CLDN10: variants seen among roughly 807,000 people sequenced by gnomAD.
CLDN10 encodes claudin-10.
CLDN10 carries 15 observed loss-of-function variants against 22.9 expected under a neutral mutation model. That is an observed-to-expected ratio of 0.65 (90% CI 0.44 to 1.01). The LOEUF is 1.01. Among genes scored for constraint, CLDN10 ranks in the 50% least tolerant of loss-of-function variants. CLDN10 has a pLI of 0.00. For missense variants in CLDN10, 247 were observed against 287.8 expected (o/e 0.86, Z 1.03); for synonymous variants, 114 against 111.4 (o/e 1.02, Z -0.15).
At chr13:95,457,515 C>T (rs2042493909) in intron 1 of CLDN10, among the ~76,000 whole-genome samples, 1 of 151,964 alleles carries the variant, frequency 6.6e-6, no homozygotes, top group African/African-American at 2.4e-5. Flanking sequence ...CTTGGTGAAT[C>T]ACATACTGAT....
At chr13:95,527,478 C>T (rs1275936052) in intron 1 of CLDN10, among the ~76,000 whole-genome samples, 3 of 152,198 alleles carry the variant, frequency 2.0e-5, no homozygotes, top group South Asian at 4.1e-4. Flanking sequence ...GCCTGTAATC[C>T]CAGCACTTTG....
intron 1 of CLDN10, among the ~76,000 whole-genome samples, chr13:95,495,951 C>T (rs918398375): frequency 1.3e-5 from 2 of 152,154 alleles, no homozygotes; most frequent in African/African-American, 4.8e-5. Context: ...AAAATCAGCT[C>T]CTCCAGCCAG....
chr13:95,570,095 A>G (rs2043835769), intron 3 of CLDN10, among the ~76,000 whole-genome samples: 1 of 152,126 alleles, frequency 6.6e-6, no homozygotes, highest in Non-Finnish European at 1.5e-5. Context: ...CCACATCCAC[A>G]CACGGATTCT....
chr13:95,433,865 C>T (rs1377754819), exon 1 of CLDN10: 5 of 1,614,162 alleles, frequency 3.1e-6, no homozygotes, highest in Non-Finnish European at 3.4e-6. Flanking sequence ...GCTCTGGTGT[C>T]TGGTGTCGGA....
intron 1 of CLDN10, among the ~76,000 whole-genome samples, chr13:95,515,912 A>G (rs947276273): frequency 1.3e-5 from 2 of 152,034 alleles, no homozygotes; most frequent in African/African-American, 2.4e-5. Flanking sequence ...CATCTCTACT[A>G]AAAATACAAA....
At chr13:95,474,466 G>A (rs2042665899) in intron 1 of CLDN10, among the ~76,000 whole-genome samples, 1 of 151,992 alleles carries the variant, frequency 6.6e-6, no homozygotes, top group Non-Finnish European at 1.5e-5. Flanking sequence ...CCATGGCCCA[G>A]GGGTTGGGGA....
intron 1 of CLDN10, among the ~76,000 whole-genome samples, chr13:95,440,534 A>T (rs1291082552): frequency 1.3e-5 from 2 of 152,136 alleles, no homozygotes; most frequent in Non-Finnish European, 2.9e-5. Flanking sequence ...AAAATAGCCA[A>T]GCATGGCAGC....
chr13:95,553,856 C>T (rs958267112), intron 1 of CLDN10, among the ~76,000 whole-genome samples: 2 of 152,212 alleles, frequency 1.3e-5, no homozygotes, highest in South Asian at 2.1e-4. Flanking sequence ...CAGCCGATGT[C>T]AGCCCGGTCC....
rs912491838 is a variant in CLDN10 at position 95,578,810 on chromosome 13, T to G, written c.*796T>G. On this transcript the variant is annotated 3_prime_UTR_variant, in exon 5 of 5. Coordinates refer to ENST00000299339, the MANE Select transcript of CLDN10 (RefSeq NM_006984.5). Reference sequence around the variant, plus strand: ...ACTCATGTACATATTTAGCAAATTTTGGTTTCTTACATGTGCCTGTCATGA... The same window carrying G: ...ACTCATGTACATATTTAGCAAATTTGGGTTTCTTACATGTGCCTGTCATGA... The G allele has an allele frequency of 1.3e-5, 2 of 152,218 alleles. No homozygotes were observed. The highest frequency in any genetic ancestry group is 6.5e-5 in the Admixed American group (1 of 15,282). 9.4% of individuals were successfully genotyped at this position (152,218 alleles called of 1,614,324 possible). A position where few individuals can be genotyped will look rare whatever the true frequency, so the allele number is the denominator to read the frequency against.
chr13:95,476,700 G>C (rs1454012918), intron 1 of CLDN10, among the ~76,000 whole-genome samples: 1 of 152,042 alleles, frequency 6.6e-6, no homozygotes, highest in African/African-American at 2.4e-5. Flanking sequence ...GAGATGGAGA[G>C]AGAAAGGAGG....
intron 1 of CLDN10, among the ~76,000 whole-genome samples, chr13:95,483,644 C>T (rs140295524): frequency 1.3e-3 from 205 of 152,308 alleles, no homozygotes; most frequent in African/African-American, 4.6e-3. Context: ...AGAGCAGTGA[C>T]GTTGAGCTAC....
intron 3 of CLDN10, among the ~76,000 whole-genome samples, chr13:95,571,763 T>G (rs1310927920): frequency 2.6e-5 from 4 of 152,216 alleles, no homozygotes; most frequent in Non-Finnish European, 4.4e-5. Context: ...AGTTTTATGT[T>G]AGACCAATAG....
intron 1 of CLDN10, among the ~76,000 whole-genome samples, chr13:95,435,543 A>G (rs2042260284): frequency 1.3e-5 from 2 of 152,182 alleles, no homozygotes; most frequent in African/African-American, 4.8e-5. Context: ...GACTTTCCTA[A>G]GTACCCATTT....
chr13:95,552,660 A>G, upstream of CLDN10: 2 of 1,388,346 alleles, frequency 1.4e-6, no homozygotes, highest in Non-Finnish European at 9.4e-7. Context: ...CGGTGGGCGG[A>G]GGCGGAGGCG....
intron 3 of CLDN10, among the ~76,000 whole-genome samples, chr13:95,570,343 C>T (rs2043838534): frequency 6.6e-6 from 1 of 152,180 alleles, no homozygotes; most frequent in African/African-American, 2.4e-5. Flanking sequence ...AGATCAATGG[C>T]ATGGATGGTG....
intron 1 of CLDN10, among the ~76,000 whole-genome samples, chr13:95,437,677 G>A (rs545573928): frequency 9.2e-5 from 14 of 152,254 alleles, no homozygotes; most frequent in African/African-American, 1.7e-4. Context: ...CAGATGGTTC[G>A]CGATGAGGGC....
chr13:95,574,381 T>C (rs2043898414), intron 3 of CLDN10, among the ~76,000 whole-genome samples: 1 of 152,160 alleles, frequency 6.6e-6, no homozygotes, highest in South Asian at 2.1e-4. Context: ...ATGGATACTG[T>C]CTATTAAATG....
chr13:95,458,422 G>A (rs907756874), intron 1 of CLDN10, among the ~76,000 whole-genome samples: 1 of 152,144 alleles, frequency 6.6e-6, no homozygotes, highest in South Asian at 2.1e-4. Context: ...AAGGAAAGAG[G>A]TTTAATCAAC....
chr13:95,568,029 T>C (rs1298890559), intron 3 of CLDN10, among the ~76,000 whole-genome samples: 2 of 152,244 alleles, frequency 1.3e-5, no homozygotes, highest in African/African-American at 4.8e-5. Context: ...TTCTAGGCTA[T>C]ACAGATTTTC....
Sources: allele counts gnomAD v4.1 joint callset (sites outside exome capture counted in the v4.1 genomes callset), GRCh38; gene constraint gnomAD v4.1.1; transcripts MANE v1.5; gene names NCBI Gene and HGNC (gene_info 2026-07-23, HGNC 2026-07-21).